Variants in LNX1 observed in about 807,000 individuals in gnomAD.
LNX1 encodes ligand of numb-protein X 1.
LNX1 carries 54 observed loss-of-function variants against 68.4 expected under a neutral mutation model. The observed-to-expected ratio is 0.79, with a 90% CI of 0.63 to 0.99. LNX1 has a LOEUF of 0.99. LNX1 is among the 50% of genes least tolerant of loss of function. LNX1 has a pLI of 0.00. For missense variants in LNX1, 906 were observed against 926.4 expected (o/e 0.98, Z 0.29); for synonymous variants, 336 against 350.0 (o/e 0.96, Z 0.45).
At chr4:53,531,389 T>C (rs905081353) in intron 2 of LNX1, among the ~76,000 whole-genome samples, 1 of 152,340 alleles carries the variant, frequency 6.6e-6, no homozygotes, top group African/African-American at 2.4e-5. Flanking sequence ...CTCTCATCTA[T>C]AAAGTGAAAT....
chr4:53,488,671 T>C (rs1454914248), intron 6 of LNX1, among the ~76,000 whole-genome samples: 1 of 152,158 alleles, frequency 6.6e-6, no homozygotes, highest in Non-Finnish European at 1.5e-5. Context: ...TTCCTGTCTT[T>C]ACCTATGGAT....
chr4:53,576,524 T>C, intron 1 of LNX1: 1 of 1,076,160 alleles, frequency 9.3e-7, no homozygotes, highest in Non-Finnish European at 1.2e-6. Context: ...TTTGTAGATC[T>C]TGTATTTTAG....
intron 2 of LNX1, among the ~76,000 whole-genome samples, chr4:53,536,075 C>G (rs904422761): frequency 1.3e-5 from 2 of 152,166 alleles, no homozygotes; most frequent in African/African-American, 2.4e-5. Context: ...TTTACAGTAC[C>G]CTGTAGCTGC....
At chr4:53,462,111 G>A (rs1722191488) in intron 9 of LNX1, among the ~76,000 whole-genome samples, 1 of 152,022 alleles carries the variant, frequency 6.6e-6, no homozygotes, top group Non-Finnish European at 1.5e-5. Context: ...CGTTTGATAA[G>A]TCATAGAGAA....
intron 2 of LNX1, among the ~76,000 whole-genome samples, chr4:53,523,444 G>A (rs538867656): frequency 2.9e-3 from 446 of 152,160 alleles, no homozygotes; most frequent in African/African-American, 8.8e-3. Flanking sequence ...GCACCACCAC[G>A]CCTGGCTTAT....
At chr4:53,540,293 G>A (rs1460497979) in intron 2 of LNX1, among the ~76,000 whole-genome samples, 6 of 152,236 alleles carry the variant, frequency 3.9e-5, no homozygotes, top group Non-Finnish European at 8.8e-5. Flanking sequence ...TTAGGAGAGA[G>A]GATGGCTTGA....
chr4:53,572,327 C>T (rs1054432348), intron 2 of LNX1, among the ~76,000 whole-genome samples: 1 of 152,174 alleles, frequency 6.6e-6, no homozygotes, highest in Non-Finnish European at 1.5e-5. Flanking sequence ...GTTTAAACAC[C>T]AGCAATAACA....
At chr4:53,621,273 G>A (rs1733870247), upstream of LNX1, among the ~76,000 whole-genome samples, 1 of 152,196 alleles carries the variant, frequency 6.6e-6, no homozygotes, top group Non-Finnish European at 1.5e-5. Flanking sequence ...TATTCCCTGT[G>A]CAGTGCCCTC....
chr4:53,637,496 A>T (rs141542711), intron 1 of LNX1, among the ~76,000 whole-genome samples: 1 of 152,218 alleles, frequency 6.6e-6, no homozygotes, highest in Non-Finnish European at 1.5e-5. Flanking sequence ...AATGCTTTGC[A>T]CTACACCTGT....
intron 2 of LNX1, among the ~76,000 whole-genome samples, chr4:53,510,188 G>A (rs1726225706): frequency 6.6e-6 from 1 of 152,212 alleles, no homozygotes; most frequent in Admixed American, 6.5e-5. Flanking sequence ...CCAAGGGCAG[G>A]AGAAGCTGCC....
chr4:53,481,105 AC>A (rs1365131618), intron 7 of LNX1, among the ~76,000 whole-genome samples: 1 of 152,206 alleles, frequency 6.6e-6, no homozygotes, highest in Non-Finnish European at 1.5e-5. Flanking sequence ...GGGCTGAGTC[AC>A]TTCATTTAAA....
intron 2 of LNX1, among the ~76,000 whole-genome samples, chr4:53,529,110 C>T (rs1727842233): frequency 6.6e-6 from 1 of 151,044 alleles, no homozygotes; most frequent in African/African-American, 2.4e-5. Context: ...CCAACACACA[C>T]ACACACACAC....
At chr4:53,511,420 T>C (rs1202035764) in intron 2 of LNX1, among the ~76,000 whole-genome samples, 3 of 152,180 alleles carry the variant, frequency 2.0e-5, no homozygotes, top group African/African-American at 7.2e-5. Flanking sequence ...ATGCTTCCTT[T>C]CAGTTACTCT....
At chr4:53,555,741 A>C (rs1215436045) in intron 2 of LNX1, among the ~76,000 whole-genome samples, 1 of 152,162 alleles carries the variant, frequency 6.6e-6, no homozygotes. Flanking sequence ...GCTTCTAAGA[A>C]AGTCAGATAA....
intron 1 of LNX1, among the ~76,000 whole-genome samples, chr4:53,616,823 T>C (rs780027477): frequency 2.0e-5 from 3 of 152,194 alleles, no homozygotes; most frequent in South Asian, 2.1e-4. Flanking sequence ...CAAGATAACA[T>C]AGGTAAATGG....
chr4:53,478,519 T>G, intron 8 of LNX1, 46 bp downstream of exon 8: 1 of 1,523,778 alleles, frequency 6.6e-7, no homozygotes, highest in Non-Finnish European at 8.9e-7. Context: ...TAATTTCTCT[T>G]GATTCTCTGC....
At position 53,573,950 on chromosome 4, in the gene LNX1, C is replaced by T. The variant is rs746645573; in HGVS notation, c.53G>A (p.Gly18Asp). The T allele has an allele frequency of 6.2e-7, 1 of 1,613,622 alleles. No individual in the cohort carries two copies. The highest frequency in any genetic ancestry group is 1.3e-5 in the African/African-American group (1 of 75,042). Residue 18 changes from glycine to aspartate, a missense_variant, in exon 2 of 11, where the codon GGC becomes GAC. Transcript: ENST00000263925. Reference protein sequence around the residue: ...NDPEPLCAVCGQAHSLEENHF... With the variant: ...NDPEPLCAVCDQAHSLEENHF... The stretch of plus-strand genomic sequence containing the variant: ...GTTTTCCTCCAAGGAGTGGGCTTGG[C>T]CACACACTGCACACAGGGGTTCAGG...
intron 9 of LNX1, among the ~76,000 whole-genome samples, chr4:53,471,344 G>C (rs1170555257): frequency 6.6e-6 from 1 of 151,984 alleles, no homozygotes; most frequent in Non-Finnish European, 1.5e-5. Flanking sequence ...ATTAATTCAA[G>C]ATGGATTAAA....
chr4:53,559,112 T>C (rs1730111774), intron 2 of LNX1, among the ~76,000 whole-genome samples: 1 of 152,192 alleles, frequency 6.6e-6, no homozygotes, highest in South Asian at 2.1e-4. Flanking sequence ...CAAGCCATGA[T>C]AGCAAACTCC....
Sources: gnomAD v4.1 joint callset for allele counts (sites outside exome capture counted in the v4.1 genomes callset) on GRCh38, gnomAD v4.1.1 for gene constraint, MANE v1.5 for transcripts, NCBI Gene and HGNC (gene_info 2026-07-23, HGNC 2026-07-21) for gene names.